MIDEAS: variants seen among roughly 807,000 people sequenced by gnomAD.
The protein encoded by MIDEAS is mitotic deacetylase-associated SANT domain protein.
In MIDEAS, 26 loss-of-function variants were observed where a neutral mutation model predicts 102.7. The ratio of observed to expected loss-of-function variants is 0.25; its 90% CI spans 0.19 to 0.35. The LOEUF is 0.35. Ranked by LOEUF, MIDEAS falls within the 10% of genes least tolerant of loss-of-function variation. The pLI, the probability that MIDEAS is intolerant of heterozygous loss-of-function variation, is 1.00. For synonymous variants in MIDEAS, 585 were observed against 591.0 expected (o/e 0.99, Z 0.15); for missense variants, 1,231 against 1,435.6 (o/e 0.86, Z 2.30).
chr14:73,756,295 T>TGTGTGTGTGTGTGC (rs55692592), intron 1 of MIDEAS, among the ~76,000 whole-genome samples: 164 of 127,708 alleles, frequency 1.3e-3, no homozygotes, highest in Admixed American at 1.7e-3. Context: ...TGTGTGTGTG[T>TGTGTGTGTGTGTGC]GCGCGCGCGC....
At chr14:73,737,823 C>G (rs544896074) in intron 2 of MIDEAS, among the ~76,000 whole-genome samples, 21 of 148,918 alleles carry the variant, frequency 1.4e-4, no homozygotes, top group African/African-American at 5.2e-4. Context: ...ACTCTGTCAC[C>G]CAGGTTGTAG....
intron 1 of MIDEAS, among the ~76,000 whole-genome samples, chr14:73,747,107 C>T (rs1228946112): frequency 6.6e-6 from 1 of 152,228 alleles, no homozygotes; most frequent in Non-Finnish European, 1.5e-5. Context: ...CCTACCTCCT[C>T]CAGCTGGCCC....
intron 1 of MIDEAS, among the ~76,000 whole-genome samples, chr14:73,781,752 A>AAAAC (rs2053759897): frequency 7.0e-6 from 1 of 142,938 alleles, no homozygotes; most frequent in African/African-American, 2.6e-5. Flanking sequence ...AAAAAAAAAA[A>AAAAC]AAAACTGACT....
Position 73,757,700 on chromosome 14 carries a change from T to C in MIDEAS, c.-248+2063A>G, listed in dbSNP as rs565513750. Among the ~76,000 whole-genome samples the C allele has an allele frequency of 3.5e-3, 526 of 152,210 alleles. 6 individuals carry two copies. Among genetic ancestry groups the C allele is most frequent in the African/African-American group, 0.012 (499 of 41,522 alleles). On this transcript the variant is annotated intron_variant, in intron 1 of 12. Coordinates refer to ENST00000423556, the MANE Select transcript of MIDEAS (RefSeq NM_001367710.1). ...ATTCCTGGACTGGGCCCATTCCCCT[T>C]CCCCTCTTCTGTCAGAGGTCTTGGC...
In MIDEAS at chr14:73,727,471, C is replaced by A. The variant is rs1435408798; in HGVS notation, c.2149G>T (p.Val717Leu). 46 of 1,613,870 alleles carry A rather than the reference C, an allele frequency of 2.9e-5. No individual in the cohort carries two copies. The highest frequency in any genetic ancestry group is 3.3e-5 in the Non-Finnish European group (39 of 1,179,982). The stretch of plus-strand genomic sequence containing the variant: ...GGCTGCACTTACGGCTCGATGCTCA[C>A]TGGGGTGGCCTCCCCCATCACAGAG... ...VLSVMGEATP[V>L]SIEPRINVGS... Residue 717 changes from valine to leucine, a missense_variant, in exon 5 of 13, where the codon GTG becomes TTG. Physicochemically the swap from Val to Leu is conservative, Grantham distance 32. Coordinates refer to ENST00000423556, the MANE Select transcript of MIDEAS (RefSeq NM_001367710.1).
intron 1 of MIDEAS, among the ~76,000 whole-genome samples, chr14:73,776,316 C>G (rs1024802399): frequency 2.6e-5 from 4 of 151,938 alleles, no homozygotes; most frequent in African/African-American, 9.7e-5. Context: ...CTCAGATCTT[C>G]TGGGCACATA....
At chr14:73,789,474 CA>C (rs1415699385), upstream of MIDEAS, among the ~76,000 whole-genome samples, 1 of 152,228 alleles carries the variant, frequency 6.6e-6, no homozygotes, top group Admixed American at 6.5e-5. Context: ...TCGGGCCCTT[CA>C]GGCAGAGGCA....
At chr14:73,743,870 C>G (rs1029201886) in intron 1 of MIDEAS, among the ~76,000 whole-genome samples, 1 of 152,072 alleles carries the variant, frequency 6.6e-6, no homozygotes, top group Non-Finnish European at 1.5e-5. Flanking sequence ...CTGTCACGCT[C>G]TATTCACTTT....
chr14:73,733,987 A>G (rs1291626193), intron 3 of MIDEAS, among the ~76,000 whole-genome samples: 3 of 142,360 alleles, frequency 2.1e-5, no homozygotes, highest in Non-Finnish European at 3.0e-5. Flanking sequence ...GCCAGGATAC[A>G]TGTTTTGTTT....
intron 1 of MIDEAS, among the ~76,000 whole-genome samples, chr14:73,784,060 G>A (rs1258995617): frequency 6.6e-6 from 1 of 152,210 alleles, no homozygotes; most frequent in Non-Finnish European, 1.5e-5. Context: ...GCACCTCGGG[G>A]TTTCCGCCAG....
chr14:73,744,105 T>G (rs1362737731), intron 1 of MIDEAS, among the ~76,000 whole-genome samples: 2 of 148,494 alleles, frequency 1.3e-5, no homozygotes, highest in Non-Finnish European at 3.0e-5. Flanking sequence ...TGCAGACACA[T>G]GAGGGGAAGG....
At chr14:73,768,525 T>C (rs887598614) in intron 1 of MIDEAS, among the ~76,000 whole-genome samples, 2 of 136,646 alleles carry the variant, frequency 1.5e-5, no homozygotes, top group Admixed American at 1.5e-4. Flanking sequence ...TTTTTTTTTT[T>C]TTTTTTTTGA....
At chr14:73,721,254 C>T (rs750742702) in intron 11 of MIDEAS, 43 bp downstream of exon 11, 26 of 1,590,690 alleles carry the variant, frequency 1.6e-5, no homozygotes, top group Non-Finnish European at 2.2e-5. Flanking sequence ...GGCCCAGCTC[C>T]ACCCTGCTTG....
In MIDEAS at chr14:73,715,495, T is replaced by A. The variant is rs2059044812; in HGVS notation, c.*3348A>T. On this transcript the variant is annotated 3_prime_UTR_variant, in exon 13 of 13. Transcript: ENST00000423556. ...CTGTCAAGGCTGTTCCTGTGCTCTG[T>A]CCCCTCCAACAAAGCCTTCAACTTA... The A allele has an allele frequency of 1.3e-5, 2 of 152,472 alleles. No individual in the cohort carries two copies. The highest frequency in any genetic ancestry group is 4.8e-5 in the African/African-American group (2 of 41,438). The allele number at this position is 152,472 out of a possible 1,614,324, so 9.4% of individuals were successfully genotyped here.
chr14:73,766,725 T>C (rs890116681), intron 1 of MIDEAS, among the ~76,000 whole-genome samples: 118 of 152,168 alleles, frequency 7.8e-4, no homozygotes, highest in Middle Eastern at 3.4e-3. Context: ...AAATTTTTTG[T>C]ATTTTTAGTA....
intron 1 of MIDEAS, among the ~76,000 whole-genome samples, chr14:73,774,178 T>G (rs2053668928): frequency 6.6e-6 from 1 of 151,806 alleles, no homozygotes; most frequent in South Asian, 2.1e-4. Flanking sequence ...TGAGGCACCA[T>G]AAAGACACCG....
intron 3 of MIDEAS, among the ~76,000 whole-genome samples, chr14:73,735,698 C>G (rs970173141): frequency 6.6e-6 from 1 of 152,168 alleles, no homozygotes; most frequent in Non-Finnish European, 1.5e-5. Flanking sequence ...ATCAGACAAA[C>G]CTGACTTTAA....
intron 1 of MIDEAS, among the ~76,000 whole-genome samples, chr14:73,744,439 G>T (rs2053323511): frequency 6.6e-6 from 1 of 152,258 alleles, no homozygotes; most frequent in South Asian, 2.1e-4. Flanking sequence ...GCTCAGCTCT[G>T]ACCTGGGGAT....
chr14:73,784,186 T>C (rs922885749), intron 1 of MIDEAS, among the ~76,000 whole-genome samples: 2 of 152,252 alleles, frequency 1.3e-5, no homozygotes, highest in African/African-American at 4.8e-5. Flanking sequence ...TTCCTAATTG[T>C]GCATGGCGAG....
Sources: gnomAD v4.1 joint callset for allele counts (sites outside exome capture counted in the v4.1 genomes callset) on GRCh38, gnomAD v4.1.1 for gene constraint, MANE v1.5 for transcripts, NCBI Gene and HGNC (gene_info 2026-07-23, HGNC 2026-07-21) for gene names.